HACE1: variants seen among roughly 807,000 people sequenced by gnomAD.
The protein encoded by HACE1 is E3 ubiquitin-protein ligase HACE1.
Under a neutral mutation model 118.4 loss-of-function variants are expected in HACE1, and 73 were observed. The observed-to-expected ratio is 0.62, with a 90% CI of 0.51 to 0.75. HACE1 has a LOEUF of 0.75. Among genes scored for constraint, HACE1 ranks in the 30% least tolerant of loss-of-function variants. The pLI, the probability that HACE1 is intolerant of heterozygous loss-of-function variation, is 0.00. For synonymous variants in HACE1, 368 were observed against 374.8 expected (o/e 0.98, Z 0.21); for missense variants, 749 against 1,102.2 (o/e 0.68, Z 4.54).
At chr6:104,855,653 G>A (rs888968349) in intron 1 of HACE1, among the ~76,000 whole-genome samples, 2 of 151,914 alleles carry the variant, frequency 1.3e-5, no homozygotes, top group African/African-American at 4.8e-5. Flanking sequence ...TCACCACCAG[G>A]AGTTGAAAAT....
chr6:104,840,652 A>C (rs906958050), intron 5 of HACE1, among the ~76,000 whole-genome samples: 4 of 152,056 alleles, frequency 2.6e-5, no homozygotes, highest in African/African-American at 9.7e-5. Context: ...AACCTGGTAA[A>C]ACCCCGTCTC....
At chr6:104,824,165 C>CCTTA (rs1773074511) in intron 6 of HACE1, among the ~76,000 whole-genome samples, 1 of 152,206 alleles carries the variant, frequency 6.6e-6, no homozygotes, top group Admixed American at 6.5e-5. Flanking sequence ...TCTTACTACT[C>CCTTA]CTTAATTGGA....
intron 5 of HACE1, among the ~76,000 whole-genome samples, chr6:104,833,460 C>CAA (rs1774207567): frequency 6.6e-6 from 1 of 152,070 alleles, no homozygotes; most frequent in Non-Finnish European, 1.5e-5. Context: ...ATCCTCTTGC[C>CAA]TCAGCCTCCT....
chr6:104,846,552 A>C (rs1775688395), intron 4 of HACE1, among the ~76,000 whole-genome samples: 1 of 152,212 alleles, frequency 6.6e-6, no homozygotes, highest in Admixed American at 6.5e-5. Context: ...TTCTTTTGGA[A>C]AGGAGGACAA....
intron 6 of HACE1, among the ~76,000 whole-genome samples, chr6:104,824,137 G>A (rs952983325): frequency 1.6e-4 from 24 of 152,270 alleles, no homozygotes; most frequent in Admixed American, 4.6e-4. Flanking sequence ...TTGTTCGGAA[G>A]GTGAGCCCTC....
chr6:104,742,159 T>A (rs1366742846), intron 22 of HACE1, among the ~76,000 whole-genome samples: 2 of 130,730 alleles, frequency 1.5e-5, no homozygotes, highest in Non-Finnish European at 1.6e-5. Context: ...CAAAAATCAA[T>A]TCAAGATGGA....
chr6:104,803,370 C>T (rs1051367645), intron 7 of HACE1, among the ~76,000 whole-genome samples: 3 of 152,150 alleles, frequency 2.0e-5, no homozygotes, highest in Non-Finnish European at 4.4e-5. Context: ...TTTATGAGGA[C>T]AGCATCATCC....
intron 22 of HACE1, among the ~76,000 whole-genome samples, chr6:104,735,846 T>C (rs924843321): frequency 1.3e-5 from 2 of 152,048 alleles, no homozygotes; most frequent in Non-Finnish European, 2.9e-5. Context: ...TCCTTATTCA[T>C]AAATAGGAAA....
At chr6:104,746,882 CAAT>C (rs1777491063) in intron 20 of HACE1, among the ~76,000 whole-genome samples, 1 of 151,990 alleles carries the variant, frequency 6.6e-6, no homozygotes, top group Non-Finnish European at 1.5e-5. Flanking sequence ...GATAAGCTTT[CAAT>C]AATATTAAGT....
chr6:104,736,434 G>A (rs1455516880), intron 22 of HACE1, among the ~76,000 whole-genome samples: 3 of 151,910 alleles, frequency 2.0e-5, no homozygotes, highest in South Asian at 2.1e-4. Flanking sequence ...ACAGGCATGC[G>A]CCACCATGCC....
chr6:104,810,844 T>C (rs536035982), intron 7 of HACE1, among the ~76,000 whole-genome samples: 6 of 152,052 alleles, frequency 3.9e-5, no homozygotes, highest in Non-Finnish European at 8.8e-5. Flanking sequence ...TGGTTATAGA[T>C]ACAGAGAAAG....
chr6:104,764,779 T>C (rs1233652738), intron 19 of HACE1, among the ~76,000 whole-genome samples: 4 of 152,200 alleles, frequency 2.6e-5, no homozygotes, highest in Non-Finnish European at 5.9e-5. Flanking sequence ...ACTCTGAAGG[T>C]ATATTTTTTT....
rs1445956417 is a variant in HACE1 at position 104,742,421 on chromosome 6, G to A, written c.2513+1739C>T. 3.7e-4 allele frequency among the ~76,000 whole-genome samples: 55 copies of A among 150,054 alleles called. 1 individual carries two copies. In the East Asian group the frequency reaches 0.011, roughly 29 times the overall value. ...TTTCACAACCTACTCATCTGACAAA[G>A]GGCTAATATCCAGAATCTAGAATGA... On this transcript the variant is annotated intron_variant, in intron 22 of 23. Coordinates refer to ENST00000262903, the MANE Select transcript of HACE1 (RefSeq NM_020771.4).
At chr6:104,781,611 T>C (rs1781751367) in intron 14 of HACE1, among the ~76,000 whole-genome samples, 1 of 152,190 alleles carries the variant, frequency 6.6e-6, no homozygotes, top group South Asian at 2.1e-4. Context: ...TCATACTTGC[T>C]TATTTGATCA....
Position 104,777,118 on chromosome 6 carries a change from T to C in HACE1, c.1679-8A>G, listed in dbSNP as rs755860416. The C allele has an allele frequency of 1.5e-5, 23 of 1,584,322 alleles. No individual in the cohort carries two copies. Among genetic ancestry groups the C allele is most frequent in the Admixed American group, 1.7e-5 (1 of 59,980 alleles). On this transcript the variant is annotated splice_polypyrimidine_tract_variant and splice_region_variant and intron_variant, in intron 15 of 23. Coordinates refer to ENST00000262903, the MANE Select transcript of HACE1 (RefSeq NM_020771.4). ...TACTCCTAAAAATAGAATCTAAATA[T>C]GTAGCATTGGTTAATTTTACATATT...
chr6:104,794,693 C>T (rs903283222), intron 10 of HACE1, among the ~76,000 whole-genome samples: 4 of 152,278 alleles, frequency 2.6e-5, no homozygotes, highest in Admixed American at 6.5e-5. Flanking sequence ...TGCCAGAGCT[C>T]AGGAGTTCAA....
At chr6:104,852,434 A>G (rs1004597433) in intron 1 of HACE1, 63 bp from the exon 2 acceptor site, 2 of 992,654 alleles carry the variant, frequency 2.0e-6, no homozygotes, top group Non-Finnish European at 3.2e-6. Flanking sequence ...GATACTTAAG[A>G]TTAGTTTAGA....
intron 20 of HACE1, among the ~76,000 whole-genome samples, chr6:104,748,781 A>T (rs755639786): frequency 3.2e-4 from 49 of 152,216 alleles, no homozygotes; most frequent in Non-Finnish European, 5.1e-4. Context: ...CCACAAACAA[A>T]AACTTGAGCT....
intron 11 of HACE1, among the ~76,000 whole-genome samples, chr6:104,790,261 A>G (rs1051857988): frequency 1.3e-5 from 2 of 152,144 alleles, no homozygotes; most frequent in African/African-American, 4.8e-5. Flanking sequence ...AAGTTCTTGC[A>G]AACTTTATTT....
Sources: allele counts gnomAD v4.1 joint callset (sites outside exome capture counted in the v4.1 genomes callset), GRCh38; gene constraint gnomAD v4.1.1; transcripts MANE v1.5; gene names NCBI Gene and HGNC (gene_info 2026-07-23, HGNC 2026-07-21).